Variants in PLB1 observed in about 807,000 individuals in gnomAD.
PLB1 encodes phospholipase B1, also known as phospholipase B1, membrane-associated.
A neutral mutation model predicts 227.4 loss-of-function variants in PLB1; 242 were observed. The ratio of observed to expected loss-of-function variants is 1.06; its 90% CI spans 0.96 to 1.18. PLB1 has a LOEUF of 1.18. PLB1 is among the 50% of genes most tolerant of loss of function. The pLI is 0.00. For missense variants in PLB1, 1,858 were observed against 1,816.3 expected, an observed-to-expected ratio of 1.02 and a Z score of -0.42; for synonymous variants, 757 against 682.2, an observed-to-expected ratio of 1.11 and a Z score of -1.71.
At chr2:28,588,332 A>G (rs1034134025) in intron 26 of PLB1, among the ~76,000 whole-genome samples, 3 of 152,160 alleles carry the variant, frequency 2.0e-5, no homozygotes, top group African/African-American at 7.2e-5. Context: ...GGGAAGCAGC[A>G]TGCTGGAAGT....
chr2:28,592,134 G>T lies in PLB1; in HGVS notation c.2188+374G>T, dbSNP rs553432234. 5.8e-4 allele frequency among the ~76,000 whole-genome samples: 88 copies of T among 152,294 alleles called. No homozygotes were observed. The South Asian group carries it at 0.01, about 18-fold the overall frequency. ...TCACTGCCGCCTACAGTAGGGCCTGGAAGTTTCCCTGGGCTGTTCAGAAGA... is the reference window on the plus strand; with the variant it reads ...TCACTGCCGCCTACAGTAGGGCCTGTAAGTTTCCCTGGGCTGTTCAGAAGA... On this transcript the variant is annotated intron_variant, in intron 31 of 57. Coordinates refer to ENST00000327757, the MANE Select transcript of PLB1 (RefSeq NM_153021.5).
chr2:28,620,130 T>C (rs1157242157), intron 46 of PLB1, 135 bp from the exon 47 acceptor site: 12 of 558,190 alleles, frequency 2.1e-5, no homozygotes, highest in African/African-American at 7.7e-5. Context: ...AAGTTTAATA[T>C]GGCCTGGAGA....
Position 28,598,672 on chromosome 2 carries a change from A to G in PLB1, c.2386A>G (p.Arg796Gly). The change falls in exon 35 of 58, where the codon AGA becomes GGA. Residue 796 changes from arginine to glycine, a missense_variant. Transcript: ENST00000327757. ...TCCAGATATCCTTCGGGAGTTTAAC[A>G]GAAACCTCACAGGCTACGCCGTGGG... ...TLPNILREFN[R>G]NLTGYAVGTG... 1 of 1,614,134 alleles carries G rather than the reference A, an allele frequency of 6.2e-7. No individual in the cohort carries two copies. The highest frequency in any genetic ancestry group is 8.5e-7 in the Non-Finnish European group (1 of 1,179,940).
chr2:28,636,721 G>A (rs1328418376), intron 56 of PLB1, among the ~76,000 whole-genome samples: 1 of 152,066 alleles, frequency 6.6e-6, no homozygotes, highest in African/African-American at 2.4e-5. Flanking sequence ...GAAGAGGGAG[G>A]CCTCACTGAA....
Position 28,623,524 on chromosome 2 carries a change from A to T in PLB1, c.3528-1533A>T, listed in dbSNP as rs575215101. ...TTCTTTATAGCTTTCTGGTATACTC[A>T]TCAATAGCAATAATGTATGGGATAC... On this transcript the variant is annotated intron_variant, in intron 49 of 57. Coordinates refer to ENST00000327757, the MANE Select transcript of PLB1 (RefSeq NM_153021.5). Among the ~76,000 whole-genome samples the T allele has an allele frequency of 9.9e-5, 15 of 152,274 alleles. No homozygotes were observed. The South Asian group carries it at 3.1e-3, about 32-fold the overall frequency.
intron 21 of PLB1, 65 bp from the exon 22 acceptor site, chr2:28,578,040 TTC>T: frequency 1.3e-6 from 2 of 1,495,754 alleles, no homozygotes. Context: ...TTGATTGCTG[TTC>T]TCTCTGCTAA....
chr2:28,525,946 G>C lies in PLB1; in HGVS notation c.325+1G>C, dbSNP rs754669835. 1.9e-6 allele frequency: 3 copies of C among 1,614,050 alleles called. No individual in the cohort carries two copies. Among genetic ancestry groups the C allele is most frequent in the Non-Finnish European group, 2.5e-6 (3 of 1,179,954 alleles). On this transcript the variant is annotated splice_donor_variant, in intron 6 of 57. Coordinates refer to ENST00000327757, the MANE Select transcript of PLB1 (RefSeq NM_153021.5). LOFTEE classifies it high-confidence loss of function. ...CAGGTGTGCATGGGAGTGATGACAG[G>C]TGAGTTGTGGTTTTCACGGCCAGAT... is the stretch of plus-strand genomic sequence containing the variant.
intron 22 of PLB1, among the ~76,000 whole-genome samples, chr2:28,578,604 G>C (rs948512191): frequency 9.9e-5 from 15 of 152,092 alleles, no homozygotes; most frequent in Non-Finnish European, 1.3e-4. Context: ...GAGAGCCCTG[G>C]TCTGCAAGGA....
intron 2 of PLB1, among the ~76,000 whole-genome samples, chr2:28,518,006 T>C (rs1669051912): frequency 6.6e-6 from 1 of 151,844 alleles, no homozygotes; most frequent in South Asian, 2.1e-4. Context: ...CCCAAGTAAC[T>C]GGGATTACAG....
intron 4 of PLB1, among the ~76,000 whole-genome samples, chr2:28,524,980 T>A (rs1425188416): frequency 6.6e-6 from 1 of 151,962 alleles, no homozygotes; most frequent in African/African-American, 2.4e-5. Context: ...CCCAAGTAGC[T>A]GGGATTATGG....
At chr2:28,566,540 C>T (rs1246587163) in intron 19 of PLB1, 4 of 493,906 alleles carry the variant, frequency 8.1e-6, no homozygotes, top group Non-Finnish European at 1.5e-5. Context: ...AACCAACCTA[C>T]CTCCCCTTCC....
chr2:28,589,329 C>T, intron 26 of PLB1, 121 bp from the exon 27 acceptor site: 1 of 717,408 alleles, frequency 1.4e-6, no homozygotes, highest in Non-Finnish European at 2.4e-6. Context: ...AGATTTTGCA[C>T]CAGGTTGATT....
Position 28,643,094 on chromosome 2 carries a change from A to C in PLB1, c.*33A>C. On this transcript the variant is annotated 3_prime_UTR_variant, in exon 58 of 58. Transcript: ENST00000327757. Reference sequence around the variant, plus strand: ...GGTGGGTCCTCACCCTAAACTCCCTATAGCCACTCTCTTCACCGCCCTCTG... The same window carrying C: ...GGTGGGTCCTCACCCTAAACTCCCTCTAGCCACTCTCTTCACCGCCCTCTG... 1 of 1,532,732 alleles carries C rather than the reference A, an allele frequency of 6.5e-7. No individual in the cohort carries two copies. Among genetic ancestry groups the C allele is most frequent in the Non-Finnish European group, 8.8e-7 (1 of 1,133,126 alleles). The allele number at this position is 1,532,732 out of a possible 1,614,324, so 94.9% of individuals were successfully genotyped here.
chr2:28,630,270 C>G (rs13028204), intron 53 of PLB1, among the ~76,000 whole-genome samples: 4,756 of 152,246 alleles, frequency 0.031, 104 homozygotes, highest in Non-Finnish European at 0.05. Context: ...TCCCAGGGAC[C>G]ACAGGCTTGG....
chr2:28,573,161 G>A (rs1026945563), intron 20 of PLB1, 36 bp from the exon 21 acceptor site: 2 of 1,522,310 alleles, frequency 1.3e-6, no homozygotes, highest in Non-Finnish European at 1.8e-6. Context: ...TTGCTTTGCA[G>A]TAGTCACTAA....
intron 6 of PLB1, among the ~76,000 whole-genome samples, chr2:28,528,099 C>T (rs892561544): frequency 1.3e-5 from 2 of 152,206 alleles, no homozygotes; most frequent in Non-Finnish European, 1.5e-5. Context: ...GAATCACCCA[C>T]GAGTTAGGAG....
intron 9 of PLB1, among the ~76,000 whole-genome samples, chr2:28,536,265 A>T (rs1671667285): frequency 6.6e-6 from 1 of 152,236 alleles, no homozygotes; most frequent in Non-Finnish European, 1.5e-5. Flanking sequence ...ATTAGGTGTG[A>T]CAATGACTCT....
intron 25 of PLB1, among the ~76,000 whole-genome samples, chr2:28,584,917 T>C (rs1260177450): frequency 1.3e-5 from 2 of 152,222 alleles, no homozygotes; most frequent in Non-Finnish European, 2.9e-5. Context: ...TCAGCACCCA[T>C]GCAACCTTGA....
At chr2:28,597,927 G>C in intron 33 of PLB1, 78 bp from the exon 34 acceptor site, 1 of 1,374,038 alleles carries the variant, frequency 7.3e-7, no homozygotes, top group East Asian at 2.3e-5. Context: ...GGTGGGGGCT[G>C]CTCTTGTGTA....
Sources: gnomAD v4.1 joint callset for allele counts (sites outside exome capture counted in the v4.1 genomes callset) on GRCh38, gnomAD v4.1.1 for gene constraint, MANE v1.5 for transcripts, NCBI Gene and HGNC (gene_info 2026-07-23, HGNC 2026-07-21) for gene names.